OR52K1: variants seen among roughly 807,000 people sequenced by gnomAD.
OR52K1 encodes olfactory receptor family 52 subfamily K member 1, also known as olfactory receptor 52K1.
OR52K1 carries 10 observed loss-of-function variants against 8.7 expected under a neutral mutation model. The ratio of observed to expected loss-of-function variants is 1.15; its 90% CI spans 0.71 to 1.95. OR52K1 has a LOEUF of 1.95. Among genes scored for constraint, OR52K1 ranks in the 30% most tolerant of loss-of-function variants. The probability of loss-of-function intolerance (pLI) is 0.00; values close to 1 mark genes in which losing one functional copy is unlikely to be tolerated. For synonymous variants in OR52K1, 203 were observed against 148.5 expected (o/e 1.37, Z -2.67); for missense variants, 431 against 397.2 (o/e 1.08, Z -0.72).
At chr11:4,484,160 A>T (rs1366689976) in intron 1 of OR52K1, among the ~76,000 whole-genome samples, 1 of 152,222 alleles carries the variant, frequency 6.6e-6, no homozygotes, top group Non-Finnish European at 1.5e-5. Context: ...CTGGGTTTAC[A>T]GAAGGAAAAT....
At chr11:4,484,795 T>C (rs144027195) in intron 1 of OR52K1, among the ~76,000 whole-genome samples, 5 of 150,142 alleles carry the variant, frequency 3.3e-5, no homozygotes, top group Admixed American at 6.7e-5. Flanking sequence ...ATAATTTGCT[T>C]CAGCTAAAGA....
At chr11:4,485,067 T>TA (rs1207125914) in intron 1 of OR52K1, among the ~76,000 whole-genome samples, 2 of 152,384 alleles carry the variant, frequency 1.3e-5, no homozygotes, top group East Asian at 3.9e-4. Flanking sequence ...TGTGCAATTC[T>TA]AAACACAAGG....
chr11:4,484,833 G>GACACACAC (rs57428088), intron 1 of OR52K1, among the ~76,000 whole-genome samples: 1,331 of 113,634 alleles, frequency 0.012, 6 homozygotes, highest in African/African-American at 0.02. Context: ...AAAACACACA[G>GACACACAC]ACACACACAC....
Position 4,489,615 on chromosome 11 carries a change from G to A in OR52K1, c.715G>A (p.Ala239Thr). 1 of 1,614,138 alleles carries A rather than the reference G, an allele frequency of 6.2e-7. No individual in the cohort carries two copies. The highest frequency in any genetic ancestry group is 8.5e-7 in the Non-Finnish European group (1 of 1,179,992). Reference protein sequence around the residue: ...QLASQEARYKAFGTCVSHIGA... With the variant: ...QLASQEARYKTFGTCVSHIGA... The stretch of plus-strand genomic sequence containing the variant: ...TGCCTCTCAGGAGGCCCGCTACAAG[G>A]CATTTGGGACATGTGTGTCTCACAT... Residue 239 changes from alanine (A) to threonine (T), a missense_variant, in exon 2 of 2, where the codon GCA (alanine) becomes ACA (threonine). By Grantham distance (58) the Ala-to-Thr change is moderately conservative. Coordinates refer to ENST00000641528, the MANE Select transcript of OR52K1 (RefSeq NM_001005171.3).
chr11:4,489,284 C>T lies in OR52K1; in HGVS notation c.384C>T (p.Ile128=). Residue 128 remains isoleucine, a synonymous_variant, in exon 2 of 2, where the codon ATC becomes ATT. Coordinates refer to ENST00000641528, the MANE Select transcript of OR52K1 (RefSeq NM_001005171.3). ...LAMAFDRYVA[I]CKPLHYTTVL... The stretch of plus-strand genomic sequence containing the variant: ...TGGCCTTTGACCGCTATGTGGCCAT[C>T]TGCAAGCCATTGCACTACACGACGG... 6.2e-7 allele frequency: 1 copy of T among 1,614,206 alleles called. No individual in the cohort carries two copies. The highest frequency in any genetic ancestry group is 8.5e-7 in the Non-Finnish European group (1 of 1,180,042).
rs552455324 is a variant in OR52K1 at position 4,493,380 on chromosome 11, A to C, written c.*3535A>C. On this transcript the variant is annotated 3_prime_UTR_variant, in exon 2 of 2. Transcript: ENST00000641528. ...ACTGACTACTACTAGACCACAGTCCACTAGGTAATGGGTGCCTTCCCAGGC... is the reference window on the plus strand; with the variant it reads ...ACTGACTACTACTAGACCACAGTCCCCTAGGTAATGGGTGCCTTCCCAGGC... 1 of 152,274 alleles carries C rather than the reference A, an allele frequency of 6.6e-6. No homozygotes were observed. The highest frequency in any genetic ancestry group is 1.5e-5 in the Non-Finnish European group (1 of 68,096). 9.4% of individuals were successfully genotyped at this position (152,274 alleles called of 1,614,324 possible).
chr11:4,485,013 C>T (rs1478140956), intron 1 of OR52K1, among the ~76,000 whole-genome samples: 1 of 152,240 alleles, frequency 6.6e-6, no homozygotes, highest in Non-Finnish European at 1.5e-5. Context: ...CTTTGCCTGT[C>T]TCTCTTCTAG....
Position 4,492,495 on chromosome 11 carries a change from G to A in OR52K1, c.*2650G>A, listed in dbSNP as rs929432538. On this transcript the variant is annotated 3_prime_UTR_variant, in exon 2 of 2. Transcript: ENST00000641528. ...TTTTGTAGTGAACCACTGAAATTTG[G>A]GAGTTGTTTGTTTCACAGCCTTACC... 9 of 152,134 alleles carry A rather than the reference G, an allele frequency of 5.9e-5. No individual in the cohort carries two copies. The highest frequency in any genetic ancestry group is 1.2e-4 in the Non-Finnish European group (8 of 68,032). 9.4% of individuals were successfully genotyped at this position (152,134 alleles called of 1,614,324 possible). A position where few individuals can be genotyped will look rare whatever the true frequency, so the allele number is the denominator to read the frequency against.
intron 1 of OR52K1, among the ~76,000 whole-genome samples, chr11:4,484,869 C>G (rs7102478): frequency 0.053 from 7,986 of 151,328 alleles, 616 homozygotes; most frequent in African/African-American, 0.17. Context: ...CACACACACA[C>G]AGTTGACTTC....
Position 4,488,786 on chromosome 11 carries a change from G to A in OR52K1, c.-115G>A, listed in dbSNP as rs1846340599. Reference sequence around the variant, plus strand: ...TTAAAGTCTAGCAATGGAAACAAGAGGTAATCTTTGCAGGTGGGATAGCAC... The same window carrying A: ...TTAAAGTCTAGCAATGGAAACAAGAAGTAATCTTTGCAGGTGGGATAGCAC... On this transcript the variant is annotated 5_prime_UTR_variant, in exon 2 of 2. Coordinates refer to ENST00000641528, the MANE Select transcript of OR52K1 (RefSeq NM_001005171.3). The A allele has an allele frequency of 1.1e-5, 8 of 724,458 alleles. No homozygotes were observed. In the South Asian group the frequency reaches 1.4e-4, roughly 13 times the overall value. The allele number at this position is 724,458 out of a possible 1,614,324, so 44.9% of individuals were successfully genotyped here.
intron 1 of OR52K1, 106 bp downstream of exon 1, chr11:4,483,282 C>G (rs1455239497): frequency 2.5e-5 from 10 of 397,664 alleles, no homozygotes; most frequent in Non-Finnish European, 4.4e-5. Flanking sequence ...TCAGATATGT[C>G]ATTCTGATAT....
chr11:4,482,885 C>T lies in OR52K1; in HGVS notation c.-620C>T, dbSNP rs577278797. On this transcript the variant is annotated 5_prime_UTR_variant, in exon 1 of 2. Coordinates refer to ENST00000641528, the MANE Select transcript of OR52K1 (RefSeq NM_001005171.3). ...CTCTCCAACCCTGTTATTGCTTCTA[C>T]TCTGGTCCTTCAATAGAGGGAACAG... The T allele has an allele frequency of 1.4e-5, 5 of 360,738 alleles. No individual in the cohort carries two copies. Among genetic ancestry groups the T allele is most frequent in the South Asian group, 1.5e-4 (1 of 6,682 alleles). 22.3% of individuals were successfully genotyped at this position (360,738 alleles called of 1,614,324 possible).
chr11:4,489,713 C>T lies in OR52K1; in HGVS notation c.813C>T (p.Ala271=), dbSNP rs149400613. ...TGCACCGTGTAGCCCGCCATGCTGC[C>T]CCTCGTGTCCACATACTCCTTGCTA... is the stretch of plus-strand genomic sequence containing the variant. ...SVMHRVARHA[A]PRVHILLAIF... Residue 271 remains alanine, a synonymous_variant, in exon 2 of 2, where the codon GCC becomes GCT. Coordinates refer to ENST00000641528, the MANE Select transcript of OR52K1 (RefSeq NM_001005171.3). 541 of 1,614,196 alleles carry T rather than the reference C, an allele frequency of 3.4e-4. No homozygotes were observed. In the African/African-American group the frequency reaches 6.2e-3, roughly 19 times the overall value.
intron 1 of OR52K1, among the ~76,000 whole-genome samples, chr11:4,483,801 T>C (rs7117199): frequency 0.057 from 8,146 of 143,782 alleles, 639 homozygotes; most frequent in African/African-American, 0.17. Context: ...TTTCACAGTA[T>C]TTTAGAAGAG....
At chr11:4,488,316 T>G (rs1734490558) in intron 1 of OR52K1, among the ~76,000 whole-genome samples, 1 of 152,238 alleles carries the variant, frequency 6.6e-6, no homozygotes, top group Non-Finnish European at 1.5e-5. Context: ...TTATTAAGTA[T>G]AAATTTAGGT....
Position 4,492,955 on chromosome 11 carries a change from G to T in OR52K1, c.*3110G>T, listed in dbSNP as rs746337010. On this transcript the variant is annotated 3_prime_UTR_variant, in exon 2 of 2. Transcript: ENST00000641528. ...AAAAGGGGCAGGGTAAAGAGTGTGA[G>T]TCATCTCCAATGGTTGATAAGGTCA... 39 of 167,536 alleles carry T rather than the reference G, an allele frequency of 2.3e-4. No individual in the cohort carries two copies. Among genetic ancestry groups the T allele is most frequent in the Non-Finnish European group, 3.7e-4 (30 of 80,104 alleles). 10.4% of individuals were successfully genotyped at this position (167,536 alleles called of 1,614,324 possible).
Position 4,488,851 on chromosome 11 carries a change from T to C in OR52K1, c.-50T>C, listed in dbSNP as rs775765602. The C allele has an allele frequency of 7.0e-6, 9 of 1,279,564 alleles. No individual in the cohort carries two copies. The highest frequency in any genetic ancestry group is 1.0e-5 in the Non-Finnish European group (9 of 890,570). 79.3% of individuals were successfully genotyped at this position (1,279,564 alleles called of 1,614,324 possible). A position where few individuals can be genotyped will look rare whatever the true frequency, so the allele number is the denominator to read the frequency against. The stretch of plus-strand genomic sequence containing the variant: ...TCATATATACTGTAGAAGGTATATA[T>C]AGAAGGTGAAGAAGCCCTGTAAAAA... On this transcript the variant is annotated 5_prime_UTR_variant, in exon 2 of 2. Transcript: ENST00000641528.
At chr11:4,483,467 T>C (rs752053480) in intron 1 of OR52K1, among the ~76,000 whole-genome samples, 64 of 152,264 alleles carry the variant, frequency 4.2e-4, no homozygotes, top group Non-Finnish European at 8.4e-4. Flanking sequence ...GAGGTCTTAG[T>C]TTCTGGATAT....
intron 1 of OR52K1, among the ~76,000 whole-genome samples, chr11:4,486,433 C>T (rs1023807778): frequency 2.0e-5 from 3 of 152,214 alleles, no homozygotes; most frequent in African/African-American, 7.2e-5. Context: ...TTCTTGTTCA[C>T]TGTGTAATTG....
Sources: allele counts gnomAD v4.1 joint callset (sites outside exome capture counted in the v4.1 genomes callset), GRCh38; gene constraint gnomAD v4.1.1; transcripts MANE v1.5; gene names NCBI Gene and HGNC (gene_info 2026-07-23, HGNC 2026-07-21).